Variants in KPNA4 observed in about 807,000 individuals in gnomAD.
KPNA4 encodes the protein importin subunit alpha-3.
KPNA4 carries 13 observed loss-of-function variants against 71.3 expected under a neutral mutation model. The observed-to-expected ratio is 0.18, with a 90% CI of 0.12 to 0.29. The LOEUF (loss-of-function observed/expected upper bound fraction) is 0.29, where lower values mean the gene tolerates loss of function less well. Among genes scored for constraint, KPNA4 ranks in the 10% least tolerant of loss-of-function variants. KPNA4 has a pLI of 1.00. For synonymous variants in KPNA4, 189 were observed against 195.2 expected, an observed-to-expected ratio of 0.97 and a Z score of 0.26; for missense variants, 334 against 603.2, an observed-to-expected ratio of 0.55 and a Z score of 4.67.
Position 160,498,113 on chromosome 3 carries a change from T to C in KPNA4, c.*3991A>G, listed in dbSNP as rs923556065. 2.0e-5 allele frequency: 3 copies of C among 152,158 alleles called. No homozygotes were observed. The highest frequency in any genetic ancestry group is 2.1e-4 in the South Asian group (1 of 4,830). The allele number at this position is 152,158 out of a possible 1,614,324, so 9.4% of individuals were successfully genotyped here. On this transcript the variant is annotated 3_prime_UTR_variant, in exon 17 of 17. Transcript: ENST00000334256. The stretch of plus-strand genomic sequence containing the variant: ...TTTGGCCCTTAGTAGCTGTGTGACC[T>C]TGGGCAAGTCACCTCAACAACTCAT...
At chr3:160,556,130 A>T (rs1036603898) in intron 1 of KPNA4, among the ~76,000 whole-genome samples, 1 of 152,218 alleles carries the variant, frequency 6.6e-6, no homozygotes, top group African/African-American at 2.4e-5. Context: ...CACTGCGCCC[A>T]GCCAAGTTGT....
intron 16 of KPNA4, among the ~76,000 whole-genome samples, 170 bp from the exon 17 acceptor site, chr3:160,502,372 T>A (rs1420695906): frequency 1.3e-5 from 2 of 152,000 alleles, no homozygotes; most frequent in African/African-American, 4.8e-5. Flanking sequence ...GGTTTTTTTT[T>A]TCTTTCTTTC....
intron 13 of KPNA4, among the ~76,000 whole-genome samples, chr3:160,510,120 T>G (rs1331188852): frequency 6.6e-6 from 1 of 152,130 alleles, no homozygotes; most frequent in Non-Finnish European, 1.5e-5. Context: ...ATTATCAGAT[T>G]AAATGAAGTT....
Position 160,497,972 on chromosome 3 carries a change from C to G in KPNA4, c.*4132G>C, listed in dbSNP as rs890339222. Reference sequence around the variant, plus strand: ...TTCCTTAGTAAACAAAAAAAATATCCAAAAAGCTACATTCACATTTTTTTG... The same window carrying G: ...TTCCTTAGTAAACAAAAAAAATATCGAAAAAGCTACATTCACATTTTTTTG... On this transcript the variant is annotated 3_prime_UTR_variant, in exon 17 of 17. Coordinates refer to ENST00000334256, the MANE Select transcript of KPNA4 (RefSeq NM_002268.5). 6 of 152,062 alleles carry G rather than the reference C, an allele frequency of 3.9e-5. No homozygotes were observed. Among genetic ancestry groups the G allele is most frequent in the African/African-American group, 1.4e-4 (6 of 41,392 alleles). 9.4% of individuals were successfully genotyped at this position (152,062 alleles called of 1,614,324 possible).
chr3:160,527,908 A>G, intron 8 of KPNA4, 45 bp downstream of exon 8: 1 of 1,416,094 alleles, frequency 7.1e-7, no homozygotes, highest in Non-Finnish European at 9.9e-7. Context: ...ATTACTTAGT[A>G]TATGATAACA....
chr3:160,512,756 C>T (rs1355940199), intron 13 of KPNA4, among the ~76,000 whole-genome samples: 5 of 152,068 alleles, frequency 3.3e-5, no homozygotes, highest in South Asian at 2.1e-4. Flanking sequence ...CGCCTAAACC[C>T]GGGAGGTAGA....
chr3:160,564,362 TG>T (rs1722298694), intron 1 of KPNA4: 1 of 151,330 alleles, frequency 6.6e-6, no homozygotes, highest in African/African-American at 2.4e-5. Context: ...CACCAGCAGG[TG>T]GAGGGAAAGG....
chr3:160,534,982 A>G lies in KPNA4; in HGVS notation c.287+531T>C, dbSNP rs191963660. On this transcript the variant is annotated intron_variant, in intron 5 of 16. Transcript: ENST00000334256. The stretch of plus-strand genomic sequence containing the variant: ...CACGATCCGCCCACCTCGGCCTCCC[A>G]AAGTGCTGGGATTACAGGTGTGAGC... Among the ~76,000 whole-genome samples, 348 of 151,988 alleles carry G rather than the reference A, an allele frequency of 2.3e-3. 2 individuals are homozygous for G. The highest frequency in any genetic ancestry group is 7.7e-3 in the African/African-American group (321 of 41,480).
rs767448383 is a variant in KPNA4 at position 160,525,338 on chromosome 3, C to T, written c.771+462G>A. ...ATGTGTATATGAATACAAATCCATG[C>T]ACAAACATTTTCCTTTTTCATCTTT... On this transcript the variant is annotated intron_variant, in intron 10 of 16. Coordinates refer to ENST00000334256, the MANE Select transcript of KPNA4 (RefSeq NM_002268.5). Among the ~76,000 whole-genome samples, 4 of 151,920 alleles carry T rather than the reference C, an allele frequency of 2.6e-5. No homozygotes were observed. In the South Asian group the frequency reaches 6.2e-4, roughly 24 times the overall value.
chr3:160,554,117 C>T, intron 1 of KPNA4, among the ~76,000 whole-genome samples: 1 of 152,228 alleles, frequency 6.6e-6, no homozygotes, highest in Non-Finnish European at 1.5e-5. Context: ...GCTTAGAGTT[C>T]AACTGTGACC....
At chr3:160,561,711 A>C (rs567262297) in intron 1 of KPNA4, among the ~76,000 whole-genome samples, 15 of 152,172 alleles carry the variant, frequency 9.9e-5, no homozygotes, top group African/African-American at 3.1e-4. Context: ...ATGAGCAGCT[A>C]CATGTCTCTG....
intron 10 of KPNA4, among the ~76,000 whole-genome samples, chr3:160,522,731 TAC>T (rs1465875706): frequency 6.6e-6 from 1 of 152,258 alleles, no homozygotes; most frequent in Non-Finnish European, 1.5e-5. Context: ...GTGCTGGGAT[TAC>T]AGGCGTAAGC....
chr3:160,532,324 T>C (rs190983221), intron 5 of KPNA4, among the ~76,000 whole-genome samples: 1 of 152,302 alleles, frequency 6.6e-6, no homozygotes, highest in East Asian at 1.9e-4. Context: ...GAGAGTCAAA[T>C]GACAAAAGCA....
At chr3:160,535,444 A>G in intron 5 of KPNA4, 69 bp downstream of exon 5, 1 of 1,090,616 alleles carries the variant, frequency 9.2e-7, no homozygotes, top group Non-Finnish European at 1.4e-6. Flanking sequence ...ACTACTCAAT[A>G]GTAAAAATTC....
chr3:160,532,223 T>C (rs375431424), intron 5 of KPNA4, among the ~76,000 whole-genome samples: 3 of 152,140 alleles, frequency 2.0e-5, no homozygotes, highest in South Asian at 4.1e-4. Context: ...GAGAAAAAAA[T>C]GGGCAGATTT....
chr3:160,543,621 C>T (rs2108556660), intron 1 of KPNA4, among the ~76,000 whole-genome samples: 1 of 152,200 alleles, frequency 6.6e-6, no homozygotes, highest in South Asian at 2.1e-4. Context: ...GTGTGAGCCA[C>T]CATACCCAGC....
chr3:160,542,827 A>G (rs907700584), intron 1 of KPNA4, among the ~76,000 whole-genome samples: 1 of 152,208 alleles, frequency 6.6e-6, no homozygotes, highest in South Asian at 2.1e-4. Flanking sequence ...TATTGGAGCA[A>G]TATTAAGAAA....
chr3:160,531,024 A>C, intron 6 of KPNA4, 84 bp from the exon 7 acceptor site: 2 of 854,886 alleles, frequency 2.3e-6, no homozygotes, highest in Non-Finnish European at 3.7e-6. Context: ...CTACCATTTA[A>C]AATGCATTAA....
intron 12 of KPNA4, 33 bp from the exon 13 acceptor site, chr3:160,514,214 TA>T: frequency 2.0e-6 from 3 of 1,485,192 alleles, no homozygotes; most frequent in Non-Finnish European, 1.8e-6. Flanking sequence ...TATTTCTCAT[TA>T]AAAAATAAAA....
Sources: allele counts gnomAD v4.1 joint callset (sites outside exome capture counted in the v4.1 genomes callset), GRCh38; gene constraint gnomAD v4.1.1; transcripts MANE v1.5; gene names NCBI Gene and HGNC (gene_info 2026-07-23, HGNC 2026-07-21).